The following ERCC8 variants were observed in gnomAD, a reference collection of about 807,000 sequenced individuals.
ERCC8 encodes the protein DNA excision repair protein ERCC-8.
A neutral mutation model predicts 54.9 loss-of-function variants in ERCC8; 52 were observed. That is an observed-to-expected ratio of 0.95 (90% CI 0.76 to 1.19). ERCC8 has a LOEUF of 1.19. ERCC8 is among the 50% of genes most tolerant of loss of function. The probability of loss-of-function intolerance (pLI) is 0.00; values close to 1 mark genes in which losing one functional copy is unlikely to be tolerated. For synonymous variants in ERCC8, 146 were observed against 157.2 expected, an observed-to-expected ratio of 0.93 and a Z score of 0.53; for missense variants, 514 against 466.1, an observed-to-expected ratio of 1.10 and a Z score of -0.95.
Position 60,922,174 on chromosome 5 carries a change from A to G in ERCC8, c.174-19T>C. On this transcript the variant is annotated intron_variant, in intron 2 of 11. Transcript: ENST00000676185. Reference sequence around the variant, plus strand: ...TAACATGCTGATAATAAAAAAGTTCACATTAATTTATCATTTTATTTATTA... The same window carrying G: ...TAACATGCTGATAATAAAAAAGTTCGCATTAATTTATCATTTTATTTATTA... 6.8e-7 allele frequency: 1 copy of G among 1,470,560 alleles called. No individual in the cohort carries two copies. The highest frequency in any genetic ancestry group is 9.5e-7 in the Non-Finnish European group (1 of 1,052,434). 91.1% of individuals were successfully genotyped at this position (1,470,560 alleles called of 1,614,324 possible). A position where few individuals can be genotyped will look rare whatever the true frequency, so the allele number is the denominator to read the frequency against.
intron 11 of ERCC8, among the ~76,000 whole-genome samples, chr5:60,882,212 A>C (rs898718027): frequency 1.3e-5 from 2 of 152,200 alleles, no homozygotes; most frequent in African/African-American, 4.8e-5. Context: ...TGAATATGAT[A>C]ACTTTGAATC....
chr5:60,924,664 T>TTTTTGGGAG (rs1749697792), intron 2 of ERCC8, among the ~76,000 whole-genome samples: 2 of 152,194 alleles, frequency 1.3e-5, no homozygotes, highest in African/African-American at 4.8e-5. Flanking sequence ...TTTGGGAACT[T>TTTTTGGGAG]CTATCATATG....
rs1343961403 is a variant in ERCC8 at position 60,874,083 on chromosome 5, T to C, written c.*532A>G. ...TAGTAGGAGACATTGAGCCCCAAAATGTTTAACATAAAGCATGGTTAATTA... is the reference window on the plus strand; with the variant it reads ...TAGTAGGAGACATTGAGCCCCAAAACGTTTAACATAAAGCATGGTTAATTA... On this transcript the variant is annotated 3_prime_UTR_variant, in exon 12 of 12. Coordinates refer to ENST00000676185, the MANE Select transcript of ERCC8 (RefSeq NM_000082.4). 1 of 152,420 alleles carries C rather than the reference T, an allele frequency of 6.6e-6. No homozygotes were observed. Among genetic ancestry groups the C allele is most frequent in the Non-Finnish European group, 1.5e-5 (1 of 68,200 alleles). 9.4% of individuals were successfully genotyped at this position (152,420 alleles called of 1,614,324 possible).
chr5:60,911,108 C>T (rs376840512), intron 4 of ERCC8, among the ~76,000 whole-genome samples: 104 of 152,092 alleles, frequency 6.8e-4, no homozygotes, highest in South Asian at 1.9e-3. Flanking sequence ...CATGTGACAA[C>T]GTGCAGGTTT....
intron 4 of ERCC8, among the ~76,000 whole-genome samples, chr5:60,907,750 A>G (rs919373449): frequency 5.9e-5 from 9 of 152,156 alleles, no homozygotes; most frequent in African/African-American, 2.2e-4. Context: ...CGCTTCCCTA[A>G]GACAAAAAAA....
intron 5 of ERCC8, among the ~76,000 whole-genome samples, chr5:60,904,192 TCACAGAAACTGGA>T (rs1748986419): frequency 6.6e-6 from 1 of 152,060 alleles, no homozygotes; most frequent in Non-Finnish European, 1.5e-5. Context: ...AGTAACAGAT[TCACAGAAACTGGA>T]CACAGACTGA....
At chr5:60,887,668 C>A (rs1020423379) in intron 10 of ERCC8, 148 bp from the exon 11 acceptor site, 4 of 677,212 alleles carry the variant, frequency 5.9e-6, no homozygotes, top group East Asian at 5.5e-5. Context: ...TGCTGTTTTT[C>A]CTTTGTTTCT....
chr5:60,891,834 A>G (rs1355607725), intron 9 of ERCC8: 1 of 368,420 alleles, frequency 2.7e-6, no homozygotes, highest in African/African-American at 2.1e-5. Context: ...TTCTTTTAAT[A>G]TGCAGATGCT....
At chr5:60,903,854 C>CT in intron 5 of ERCC8, 138 bp from the exon 6 acceptor site, 1 of 807,402 alleles carries the variant, frequency 1.2e-6, no homozygotes, top group South Asian at 1.7e-5. Flanking sequence ...ATTACATTGT[C>CT]ATTTTTAATG....
intron 1 of ERCC8, among the ~76,000 whole-genome samples, chr5:60,931,416 C>T (rs1431522720): frequency 6.6e-6 from 1 of 152,188 alleles, no homozygotes; most frequent in Admixed American, 6.5e-5. Context: ...AAGGGATCCT[C>T]TTGCCTCAGC....
rs796321796 is a variant in ERCC8 at position 60,933,216 on chromosome 5, C to A, written c.78-4257G>T. On this transcript the variant is annotated intron_variant, in intron 1 of 11. Coordinates refer to ENST00000676185, the MANE Select transcript of ERCC8 (RefSeq NM_000082.4). ...ATGTATGCATTTTTTCCTTTTTTTT[C>A]TTTTTTTTTTTTTTTTTTTTGAGAC... Among the ~76,000 whole-genome samples the A allele has an allele frequency of 6.7e-5, 6 of 89,484 alleles. No homozygotes were observed. In the Admixed American group the frequency reaches 6.7e-4, roughly 10 times the overall value. 58.7% of individuals were successfully genotyped at this position (89,484 alleles called of 152,430 possible).
At chr5:60,878,533 T>C (rs1280366416) in intron 11 of ERCC8, among the ~76,000 whole-genome samples, 1 of 152,222 alleles carries the variant, frequency 6.6e-6, no homozygotes, top group East Asian at 1.9e-4. Flanking sequence ...CTATCAATGA[T>C]TGCCTCAATT....
chr5:60,879,058 G>A (rs1748114968), intron 11 of ERCC8, among the ~76,000 whole-genome samples: 1 of 151,914 alleles, frequency 6.6e-6, no homozygotes, highest in African/African-American at 2.4e-5. Flanking sequence ...CAGAGATTCT[G>A]GTATGTTGTG....
At chr5:60,943,711 C>G (rs1226609536) in intron 1 of ERCC8, among the ~76,000 whole-genome samples, 2 of 152,030 alleles carry the variant, frequency 1.3e-5, no homozygotes, top group Admixed American at 1.3e-4. Context: ...GAAAAAAAAG[C>G]TGCCTGTGGG....
chr5:60,936,362 T>C (rs951977475), intron 1 of ERCC8, among the ~76,000 whole-genome samples: 3 of 152,206 alleles, frequency 2.0e-5, no homozygotes, highest in African/African-American at 7.2e-5. Flanking sequence ...AGGGTTGTAA[T>C]ATCTCCCATT....
chr5:60,894,592 C>G (rs1019821493), intron 9 of ERCC8, among the ~76,000 whole-genome samples: 1 of 150,546 alleles, frequency 6.6e-6, no homozygotes, highest in Non-Finnish European at 1.5e-5. Flanking sequence ...AGTGTGCAGG[C>G]TCAGCAGTGT....
chr5:60,920,850 C>T (rs1749580482), intron 3 of ERCC8, among the ~76,000 whole-genome samples: 2 of 151,626 alleles, frequency 1.3e-5, no homozygotes, highest in Admixed American at 1.3e-4. Context: ...TACTATTTTG[C>T]TATGTAACAA....
chr5:60,912,676 C>G (rs2112508146), intron 4 of ERCC8, among the ~76,000 whole-genome samples: 1 of 152,182 alleles, frequency 6.6e-6, no homozygotes, highest in East Asian at 1.9e-4. Flanking sequence ...TGCCAGTTTT[C>G]AAAGGGAATG....
At chr5:60,882,634 G>A (rs1748270536) in intron 11 of ERCC8, among the ~76,000 whole-genome samples, 1 of 151,614 alleles carries the variant, frequency 6.6e-6, no homozygotes, top group Non-Finnish European at 1.5e-5. Flanking sequence ...TGATCTGCCA[G>A]CCTTGGCCTC....
Sources: allele counts gnomAD v4.1 joint callset (sites outside exome capture counted in the v4.1 genomes callset), GRCh38; gene constraint gnomAD v4.1.1; transcripts MANE v1.5; gene names NCBI Gene and HGNC (gene_info 2026-07-23, HGNC 2026-07-21).